DPP4: variants seen among roughly 807,000 people sequenced by gnomAD.
DPP4 encodes dipeptidyl peptidase 4.
Under a neutral mutation model 122.4 loss-of-function variants are expected in DPP4, and 93 were observed. The ratio of observed to expected loss-of-function variants is 0.76; its 90% CI spans 0.64 to 0.90. DPP4 has a LOEUF of 0.90. Ranked by LOEUF, DPP4 falls within the 40% of genes least tolerant of loss-of-function variation. DPP4 has a pLI of 0.00. For synonymous variants in DPP4, 321 were observed against 302.9 expected (o/e 1.06, Z -0.62); for missense variants, 914 against 907.3 (o/e 1.01, Z -0.09).
chr2:162,035,564 C>T (rs1288868441), intron 8 of DPP4, among the ~76,000 whole-genome samples: 2 of 152,080 alleles, frequency 1.3e-5, no homozygotes, highest in African/African-American at 2.4e-5. Context: ...TTTTAGCATG[C>T]AATATTTAAT....
At chr2:162,004,547 C>A (rs541233565) in intron 23 of DPP4, among the ~76,000 whole-genome samples, 1 of 151,660 alleles carries the variant, frequency 6.6e-6, no homozygotes, top group South Asian at 2.1e-4. Context: ...AACCGTCATA[C>A]AGCCACTAAC....
intron 4 of DPP4, among the ~76,000 whole-genome samples, chr2:162,046,381 G>T (rs74869575): frequency 1.3e-5 from 2 of 152,180 alleles, no homozygotes; most frequent in African/African-American, 4.8e-5. Context: ...TAGCATAAGT[G>T]ACTTGGAGGA....
intron 23 of DPP4, among the ~76,000 whole-genome samples, chr2:162,003,267 G>A (rs914258260): frequency 6.6e-6 from 1 of 152,114 alleles, no homozygotes; most frequent in Admixed American, 6.5e-5. Context: ...ACCTAAAGGG[G>A]GAGATGGAAA....
At chr2:162,058,789 G>T (rs561181018) in intron 2 of DPP4, among the ~76,000 whole-genome samples, 8 of 152,158 alleles carry the variant, frequency 5.3e-5, no homozygotes, top group Non-Finnish European at 1.0e-4. Flanking sequence ...GAGTGAATGG[G>T]CACAGCTGTG....
At chr2:162,069,873 A>C (rs756762318) in intron 2 of DPP4, among the ~76,000 whole-genome samples, 1 of 152,230 alleles carries the variant, frequency 6.6e-6, no homozygotes, top group Non-Finnish European at 1.5e-5. Flanking sequence ...CCACCGAAAG[A>C]AGGTATAGAA....
Position 162,020,279 on chromosome 2 carries a change from T to C in DPP4, c.1194A>G (p.Thr398=), listed in dbSNP as rs200990780. The C allele has an allele frequency of 7.5e-6, 12 of 1,607,892 alleles. No homozygotes were observed. The highest frequency in any genetic ancestry group is 1.0e-5 in the Non-Finnish European group (12 of 1,177,980). ...QIDKKDCTFI[T]KGTWEVIGIE... is the part of the protein sequence containing the mutation. ...TCCCGATGACTTCCCAGGTGCCTTT[T>C]GTAATAAATGTGCAGTCCTGATGGT... Residue 398 remains threonine, a synonymous_variant, in exon 14 of 26, where the codon ACA becomes ACG. Coordinates refer to ENST00000360534, the MANE Select transcript of DPP4 (RefSeq NM_001935.4).
intron 4 of DPP4, 115 bp from the exon 5 acceptor site, chr2:162,045,727 C>T (rs186598274): frequency 2.8e-6 from 2 of 708,344 alleles, no homozygotes; most frequent in Non-Finnish European, 4.9e-6. Context: ...TTGGGAAGTC[C>T]TAATCTAGCA....
intron 23 of DPP4, among the ~76,000 whole-genome samples, chr2:161,999,750 A>G (rs573473687): frequency 6.6e-6 from 1 of 152,338 alleles, no homozygotes; most frequent in South Asian, 2.1e-4. Context: ...CAGAAGGTAT[A>G]ACAATTTTTA....
intron 10 of DPP4, among the ~76,000 whole-genome samples, chr2:162,026,979 A>G (rs926415506): frequency 6.6e-6 from 1 of 152,242 alleles, no homozygotes; most frequent in African/African-American, 2.4e-5. Flanking sequence ...GCACAAATGT[A>G]GCCAGAGACC....
chr2:162,029,379 A>G (rs4664443), intron 10 of DPP4, among the ~76,000 whole-genome samples: 76,871 of 152,130 alleles, frequency 0.51, 21,185 homozygotes, highest in East Asian at 0.95. Context: ...GGAAGCGGGC[A>G]TACTGCCAGT....
chr2:162,052,341 A>T (rs925197053), intron 2 of DPP4, among the ~76,000 whole-genome samples: 38 of 149,616 alleles, frequency 2.5e-4, no homozygotes, highest in Non-Finnish European at 1.2e-4. Flanking sequence ...AAAAAAAAAA[A>T]AGTGGAGGAC....
intron 23 of DPP4, among the ~76,000 whole-genome samples, chr2:161,995,982 T>C (rs998650707): frequency 6.6e-6 from 1 of 152,166 alleles, no homozygotes; most frequent in Non-Finnish European, 1.5e-5. Flanking sequence ...AAAGTGGCCT[T>C]AGAAAATCAG....
chr2:162,073,476 T>C lies in DPP4; in HGVS notation c.17A>G (p.Lys6Arg), dbSNP rs1162137285. 8 of 1,613,914 alleles carry C rather than the reference T, an allele frequency of 5.0e-6. No individual in the cohort carries two copies. Among genetic ancestry groups the C allele is most frequent in the Non-Finnish European group, 6.8e-6 (8 of 1,180,006 alleles). Residue 6 changes from lysine (K) to arginine (R), a missense_variant, in exon 2 of 26, where the codon AAG (lysine) becomes AGG (arginine). By Grantham distance (26) the Lys-to-Arg change is conservative. Transcript: ENST00000360534. ...AGCACCCAGCAGTCCCAGAAGAACC[T>C]TCCACGGTGTCTGCAAGCCGAGCAG... MKTPW[K>R]VLLGLLGAAA...
chr2:162,013,110 C>T (rs187308722), intron 19 of DPP4, among the ~76,000 whole-genome samples: 2 of 148,606 alleles, frequency 1.3e-5, no homozygotes, highest in African/African-American at 5.0e-5. Context: ...AGTTCCCTAA[C>T]CCCAAGATTA....
intron 8 of DPP4, among the ~76,000 whole-genome samples, chr2:162,036,537 T>C (rs1263871153): frequency 6.6e-6 from 1 of 152,156 alleles, no homozygotes; most frequent in Non-Finnish European, 1.5e-5. Context: ...ATTGGTAGAA[T>C]CAAAAACCAA....
At chr2:162,057,279 C>T (rs1422690692) in intron 2 of DPP4, among the ~76,000 whole-genome samples, 1 of 152,188 alleles carries the variant, frequency 6.6e-6, no homozygotes, top group African/African-American at 2.4e-5. Flanking sequence ...AGGTTCTAGA[C>T]CACCACTAGC....
At chr2:162,033,898 A>C (rs1266463533) in intron 9 of DPP4, among the ~76,000 whole-genome samples, 2 of 144,258 alleles carry the variant, frequency 1.4e-5, no homozygotes, top group African/African-American at 2.5e-5. Context: ...ATATATACAC[A>C]CTATATAAAA....
At chr2:161,994,935 T>C in intron 25 of DPP4, 26 bp downstream of exon 25, 1 of 1,609,472 alleles carries the variant, frequency 6.2e-7, no homozygotes, top group African/African-American at 1.3e-5. Context: ...GCAACTTCCC[T>C]CCCCTTGCAC....
intron 4 of DPP4, among the ~76,000 whole-genome samples, chr2:162,046,454 C>T (rs1336663815): frequency 2.0e-5 from 3 of 152,066 alleles, no homozygotes; most frequent in Non-Finnish European, 4.4e-5. Flanking sequence ...TTTCAGTGTG[C>T]TAGGACAGTG....
Sources: gnomAD v4.1 joint callset for allele counts (sites outside exome capture counted in the v4.1 genomes callset) on GRCh38, gnomAD v4.1.1 for gene constraint, MANE v1.5 for transcripts, NCBI Gene and HGNC (gene_info 2026-07-23, HGNC 2026-07-21) for gene names.